CDH5: variants seen among roughly 807,000 people sequenced by gnomAD.
CDH5 encodes the protein cadherin-5.
CDH5 carries 28 observed loss-of-function variants against 62.0 expected under a neutral mutation model. The observed-to-expected ratio is 0.45, with a 90% CI of 0.33 to 0.62. The LOEUF (loss-of-function observed/expected upper bound fraction) is 0.62, where lower values mean the gene tolerates loss of function less well. Ranked by LOEUF, CDH5 falls within the 20% of genes least tolerant of loss-of-function variation. The pLI, the probability that CDH5 is intolerant of heterozygous loss-of-function variation, is 0.02. For synonymous variants in CDH5, 464 were observed against 445.8 expected, an observed-to-expected ratio of 1.04 and a Z score of -0.52; for missense variants, 940 against 1,065.1, an observed-to-expected ratio of 0.88 and a Z score of 1.63.
rs1960783569 is a variant in CDH5, at chr16:66,376,168, A to G, written c.-19-3151A>G. 2.6e-5 allele frequency among the ~76,000 whole-genome samples: 4 copies of G among 152,216 alleles called. No individual in the cohort carries two copies. The South Asian group carries it at 8.3e-4, about 32-fold the overall frequency. On this transcript the variant is annotated intron_variant, in intron 1 of 11. Transcript: ENST00000341529. ...ACAATTACTTTTGCACCAACCTAAT[A>G]TAACATTTTTTATAAAGTTGGTCTA...
At chr16:66,396,754 T>C (rs1277216521) in intron 8 of CDH5, among the ~76,000 whole-genome samples, 2 of 152,134 alleles carry the variant, frequency 1.3e-5, no homozygotes, top group African/African-American at 4.8e-5. Context: ...GGGGCAAGAG[T>C]TGGAGTTTTG....
At chr16:66,389,171 T>C (rs1961037904) in intron 4 of CDH5, among the ~76,000 whole-genome samples, 187 bp from the exon 5 acceptor site, 1 of 152,186 alleles carries the variant, frequency 6.6e-6, no homozygotes, top group Admixed American at 6.5e-5. Context: ...AACCCAACTA[T>C]TGGGCCAGCT....
chr16:66,371,003 G>A (rs1960677567), intron 1 of CDH5, among the ~76,000 whole-genome samples: 1 of 152,104 alleles, frequency 6.6e-6, no homozygotes, highest in Admixed American at 6.5e-5. Flanking sequence ...GAACCTGCAG[G>A]GAGAGGAACA....
chr16:66,379,798 GGGA>G (rs1960855158), intron 2 of CDH5, among the ~76,000 whole-genome samples: 1 of 152,098 alleles, frequency 6.6e-6, no homozygotes, highest in East Asian at 1.9e-4. Context: ...AGGTGGTGGT[GGGA>G]GTGGTGAGAA....
rs1157483292 is a variant in CDH5 at position 66,404,675 on chromosome 16, T to C, written c.*1506T>C. 1 of 152,652 alleles carries C rather than the reference T, an allele frequency of 6.6e-6. No individual in the cohort carries two copies. The highest frequency in any genetic ancestry group is 1.5e-5 in the Non-Finnish European group (1 of 68,050). The allele number at this position is 152,652 out of a possible 1,614,324, so 9.5% of individuals were successfully genotyped here. On this transcript the variant is annotated 3_prime_UTR_variant, in exon 12 of 12. Coordinates refer to ENST00000341529, the MANE Select transcript of CDH5 (RefSeq NM_001795.5). ...AATTCCTGTAACCTTCTATTTTCTA[T>C]AATTGTAGTAATTGCTCTACAGATA...
At chr16:66,391,414 G>A (rs1372771245) in intron 6 of CDH5, among the ~76,000 whole-genome samples, 1 of 152,016 alleles carries the variant, frequency 6.6e-6, no homozygotes, top group Non-Finnish European at 1.5e-5. Flanking sequence ...GGCTTCCTGA[G>A]GGATGAGTAG....
chr16:66,391,411 T>A (rs752759970), intron 6 of CDH5, among the ~76,000 whole-genome samples: 5 of 152,006 alleles, frequency 3.3e-5, no homozygotes, highest in African/African-American at 1.2e-4. Context: ...CTTGGCTTCC[T>A]GAGGGATGAG....
chr16:66,402,351 G>A (rs868325906), intron 11 of CDH5, among the ~76,000 whole-genome samples: 14 of 149,226 alleles, frequency 9.4e-5, no homozygotes, highest in African/African-American at 2.5e-4. Context: ...CCCTGGGTGT[G>A]GGGGAACGGC....
intron 2 of CDH5, among the ~76,000 whole-genome samples, chr16:66,382,718 C>CGGTT (rs1488567538): frequency 5.3e-5 from 8 of 152,096 alleles, no homozygotes; most frequent in African/African-American, 1.9e-4. Context: ...TCCGAGGAAC[C>CGGTT]ACAAGGGGTC....
Position 66,403,169 on chromosome 16 carries a change from G to C in CDH5, c.2355G>C (p.Ter785TyrextTer31). 6.2e-7 allele frequency: 1 copy of C among 1,606,938 alleles called. No individual in the cohort carries two copies. The highest frequency in any genetic ancestry group is 8.5e-7 in the Non-Finnish European group (1 of 1,177,678). The part of the protein sequence containing the change: ...GSDPREELLY[*>Y] ...ACCCCCGGGAGGAGCTGCTGTATTA[G>C]GCGGCCGAGGTCACTCTGGGCCTGG... Residue 785 changes from the stop codon to tyrosine (Y), a stop_lost, in exon 12 of 12, where the codon TAG (stop) becomes TAC (tyrosine). Coordinates refer to ENST00000341529, the MANE Select transcript of CDH5 (RefSeq NM_001795.5). This position sits in a 1 kb window ranked among gnomAD's most constrained non-coding sequence, Gnocchi z 4.3.
At chr16:66,395,520 T>TTG in intron 7 of CDH5, 1 of 148,342 alleles carries the variant, frequency 6.7e-6, no homozygotes, top group Non-Finnish European at 1.5e-5. Context: ...TTTTTTTTTT[T>TTG]TTTTGTTATT....
intron 2 of CDH5, among the ~76,000 whole-genome samples, chr16:66,381,762 T>C (rs1225321898): frequency 6.6e-6 from 1 of 152,180 alleles, no homozygotes; most frequent in African/African-American, 2.4e-5. Context: ...GCCCACTGCC[T>C]GGACTTGCAA....
At chr16:66,369,142 C>A (rs1253035978) in intron 1 of CDH5, among the ~76,000 whole-genome samples, 1 of 152,138 alleles carries the variant, frequency 6.6e-6, no homozygotes, top group African/African-American at 2.4e-5. Context: ...TGCCTTGGAC[C>A]ATAGCAAAAC....
chr16:66,395,837 C>A, intron 7 of CDH5: 1 of 462,866 alleles, frequency 2.2e-6, no homozygotes. Flanking sequence ...CACCTCCAGT[C>A]CAGTGATGGC....
intron 1 of CDH5, among the ~76,000 whole-genome samples, chr16:66,370,251 C>T (rs1035568676): frequency 6.6e-6 from 1 of 152,102 alleles, no homozygotes; most frequent in African/African-American, 2.4e-5. Context: ...CCACTGGTCT[C>T]GGCCTCCCAA....
At chr16:66,370,288 A>C (rs1960662399) in intron 1 of CDH5, among the ~76,000 whole-genome samples, 1 of 152,080 alleles carries the variant, frequency 6.6e-6, no homozygotes, top group South Asian at 2.1e-4. Context: ...GGTGTGAGCC[A>C]CCACACCTGG....
chr16:66,374,738 T>G (rs1960754526), intron 1 of CDH5, among the ~76,000 whole-genome samples: 1 of 151,874 alleles, frequency 6.6e-6, no homozygotes, highest in Non-Finnish European at 1.5e-5. Flanking sequence ...CATTTTATTC[T>G]GAATGTGTTA....
At position 66,366,867 on chromosome 16, in the gene CDH5, A is replaced by G. The variant is rs553226815; in HGVS notation, c.-20+109A>G. On this transcript the variant is annotated intron_variant, in intron 1 of 11. Coordinates refer to ENST00000341529, the MANE Select transcript of CDH5 (RefSeq NM_001795.5). ...GTAGAATGGGCATCGTCCCACTCCC[A>G]TGACAGAGAGGCTCCTCGAGGGCAC... is the stretch of plus-strand genomic sequence containing the variant. The G allele has an allele frequency of 3.0e-3, 451 of 152,410 alleles. 1 individual carries two copies. Among genetic ancestry groups the G allele is most frequent in the Non-Finnish European group, 4.8e-3 (324 of 68,100 alleles). 9.4% of individuals were successfully genotyped at this position (152,410 alleles called of 1,614,324 possible). A position where few individuals can be genotyped will look rare whatever the true frequency, so the allele number is the denominator to read the frequency against.
rs552236742 is a variant in CDH5, at chr16:66,403,259, G to A, written c.*90G>A. ...GGCACCACAGCCTCCAAAAATGGCA[G>A]TGACTCCCCAGCCCAGCACCCCTTC... On this transcript the variant is annotated 3_prime_UTR_variant, in exon 12 of 12. Coordinates refer to ENST00000341529, the MANE Select transcript of CDH5 (RefSeq NM_001795.5). The surrounding 1 kb of genome is among the most constrained non-coding windows in gnomAD (Gnocchi z 4.3). 2.4e-6 allele frequency: 3 copies of A among 1,228,738 alleles called. No individual in the cohort carries two copies. Among genetic ancestry groups the A allele is most frequent in the African/African-American group, 3.0e-5 (2 of 66,888 alleles). 76.1% of individuals were successfully genotyped at this position (1,228,738 alleles called of 1,614,324 possible).
Sources: gnomAD v4.1 joint callset for allele counts (sites outside exome capture counted in the v4.1 genomes callset) on GRCh38, gnomAD v4.1.1 for gene constraint, Gnocchi (gnomAD v3.1) non-coding constraint, MANE v1.5 for transcripts, NCBI Gene and HGNC (gene_info 2026-07-23, HGNC 2026-07-21) for gene names.